Variants in SLC25A29 observed in about 807,000 individuals in gnomAD.
SLC25A29 encodes mitochondrial basic amino acids transporter.
A neutral mutation model predicts 10.0 loss-of-function variants in SLC25A29; 13 were observed. The observed-to-expected ratio is 1.30, with a 90% CI of 0.85 to 2.07. The LOEUF (loss-of-function observed/expected upper bound fraction) is 2.07, where lower values mean the gene tolerates loss of function less well. Ranked by LOEUF, SLC25A29 falls within the 30% of genes most tolerant of loss-of-function variation. The pLI, the probability that SLC25A29 is intolerant of heterozygous loss-of-function variation, is 0.00. For missense variants in SLC25A29, 475 were observed against 447.6 expected, an observed-to-expected ratio of 1.06 and a Z score of -0.55; for synonymous variants, 244 against 221.1, an observed-to-expected ratio of 1.10 and a Z score of -0.92.
chr14:100,292,669 TGA>T lies in SLC25A29; in HGVS notation c.524_525del (p.Leu175HisfsTer147). On this transcript the variant is annotated frameshift_variant, in exon 4 of 4. Transcript: ENST00000359232. LOFTEE classifies it low-confidence loss of function (END_TRUNC). ...CCCGGCTCGCAGCCCAGCGCCCGCG[TGA>T]GAGCGTCATAGGTGAGGAAGTAGAC... Reference protein sequence around the residue: ...FGVYFLTYDALTRALGCEPGD... With the variant: ...FGVYFLTYDAXTRALGCEPGD... 1 of 1,600,856 alleles carries T rather than the reference TGA, an allele frequency of 6.2e-7. No homozygotes were observed. The highest frequency in any genetic ancestry group is 8.5e-7 in the Non-Finnish European group (1 of 1,175,258).
intron 1 of SLC25A29, among the ~76,000 whole-genome samples, chr14:100,304,607 A>G (rs147300966): frequency 2.0e-5 from 3 of 151,816 alleles, no homozygotes; most frequent in Non-Finnish European, 4.4e-5. Flanking sequence ...CTACAGCACC[A>G]GACAGTGCCA....
chr14:100,299,156 G>A, intron 1 of SLC25A29: 2 of 1,349,868 alleles, frequency 1.5e-6, no homozygotes, highest in South Asian at 1.6e-5. Context: ...GCTCTCCGCG[G>A]CTGACTGGTC....
chr14:100,299,815 T>C (rs1022499471), intron 1 of SLC25A29: 2 of 985,354 alleles, frequency 2.0e-6, no homozygotes, highest in African/African-American at 3.5e-5. Flanking sequence ...CTCCCTTTAC[T>C]GCCAGTAGCG....
rs1397575858 is a variant in SLC25A29 at position 100,292,032 on chromosome 14, C to T, written c.*251G>A. 2 of 517,524 alleles carry T rather than the reference C, an allele frequency of 3.9e-6. No homozygotes were observed. The highest frequency in any genetic ancestry group is 6.8e-6 in the Non-Finnish European group (2 of 292,856). The allele number at this position is 517,524 out of a possible 1,614,324, so 32.1% of individuals were successfully genotyped here. On this transcript the variant is annotated 3_prime_UTR_variant, in exon 4 of 4. Coordinates refer to ENST00000359232, the MANE Select transcript of SLC25A29 (RefSeq NM_001039355.3). Reference sequence around the variant, plus strand: ...CCTCAGCCAGGCCAGGTGCTGGCTGCTGCTGGGAATAATCTCTGAGCTTCG... The same window carrying T: ...CCTCAGCCAGGCCAGGTGCTGGCTGTTGCTGGGAATAATCTCTGAGCTTCG...
chr14:100,283,924 T>C, the SLC25A29 span, among the ~76,000 whole-genome samples: 1 of 150,842 alleles, frequency 6.6e-6, no homozygotes, highest in African/African-American at 2.4e-5. Flanking sequence ...TGCTATCACC[T>C]AGGCCGGAGT....
At chr14:100,305,320 G>A (rs1025051618) in intron 1 of SLC25A29, 1 of 152,174 alleles carries the variant, frequency 6.6e-6, no homozygotes, top group Admixed American at 6.6e-5. Context: ...GGTGAACAAG[G>A]GCAGGTGCTG....
rs1457813492 is a variant in SLC25A29 at position 100,298,861 on chromosome 14, T to C, written c.59A>G (p.His20Arg). ...AGGVAGVLVGHPFDTVKVRLQ... is the reference protein window; with the variant it reads ...AGGVAGVLVGRPFDTVKVRLQ... ...ACTCACCTTGACCGTGTCAAACGGG[T>C]GTCCCACAAGCACGCCTGCCACACC... is the stretch of plus-strand genomic sequence containing the variant. The change falls in exon 2 of 4, where the codon CAC becomes CGC. Residue 20 changes from histidine (H) to arginine (R), a missense_variant. Physicochemically the swap from His to Arg is conservative, Grantham distance 29 (BLOSUM62 0). Coordinates refer to ENST00000359232, the MANE Select transcript of SLC25A29 (RefSeq NM_001039355.3). 8.1e-6 allele frequency: 13 copies of C among 1,614,148 alleles called. No homozygotes were observed. The South Asian group carries it at 1.4e-4, about 18-fold the overall frequency.
In SLC25A29 at chr14:100,292,882, T is replaced by C; in HGVS notation, c.313A>G (p.Ile105Val). The C allele has an allele frequency of 2.5e-6, 4 of 1,601,980 alleles. No homozygotes were observed. Among genetic ancestry groups the C allele is most frequent in the Non-Finnish European group, 3.4e-6 (4 of 1,176,074 alleles). Reference sequence around the variant, plus strand: ...ATGGGGCAGCAGATGACGCACTGGATGGCGCCCGCCGCCGCACCTGCCAGG... The same window carrying C: ...ATGGGGCAGCAGATGACGCACTGGACGGCGCCCGCCGCCGCACCTGCCAGG... ...QFLAGAAAGA[I>V]QCVICCPMEL... The change falls in exon 4 of 4, where the codon ATC (isoleucine) becomes GTC (valine). Residue 105 changes from isoleucine (I) to valine (V), a missense_variant. By Grantham distance (29) the Ile-to-Val change is conservative. Coordinates refer to ENST00000359232, the MANE Select transcript of SLC25A29 (RefSeq NM_001039355.3).
intron 2 of SLC25A29, chr14:100,294,830 C>G (rs1048553800): frequency 2.0e-5 from 3 of 152,180 alleles, no homozygotes; most frequent in Non-Finnish European, 4.4e-5. Context: ...ATCTCAGTAC[C>G]CCCAGGACCT....
chr14:100,285,500 C>T, the SLC25A29 span, among the ~76,000 whole-genome samples: 2 of 151,736 alleles, frequency 1.3e-5, no homozygotes, highest in African/African-American at 4.8e-5. Flanking sequence ...CGCGGAGCGG[C>T]CCGGACCTCG....
chr14:100,294,862 T>C (rs1367954641), intron 2 of SLC25A29: 1 of 152,178 alleles, frequency 6.6e-6, no homozygotes, highest in Non-Finnish European at 1.5e-5. Context: ...AGCCAATGCT[T>C]CAAGATTGGC....
intron 2 of SLC25A29, chr14:100,295,856 AT>A: frequency 7.8e-7 from 1 of 1,289,642 alleles, no homozygotes; most frequent in Non-Finnish European, 1.0e-6. Flanking sequence ...CTCCCTGATT[AT>A]TGCTGTGTCC....
chr14:100,283,578 C>T, the SLC25A29 span, among the ~76,000 whole-genome samples: 15 of 151,104 alleles, frequency 9.9e-5, no homozygotes, highest in Non-Finnish European at 1.9e-4. Flanking sequence ...CTCTGCCTCC[C>T]GGGTTCAAGC....
At chr14:100,281,012 A>G in the SLC25A29 span, 15 of 135,982 alleles carry the variant, frequency 1.1e-4, no homozygotes, top group African/African-American at 4.1e-4. Context: ...GTGAGCCGAG[A>G]TCGCACCACT....
At chr14:100,278,904 C>G in the SLC25A29 span, 1 of 152,244 alleles carries the variant, frequency 6.6e-6, no homozygotes, top group Non-Finnish European at 1.5e-5. Context: ...AGGACCTTGG[C>G]TTGTCTGACA....
the SLC25A29 span, among the ~76,000 whole-genome samples, chr14:100,284,017 G>C: frequency 6.6e-6 from 1 of 152,042 alleles, no homozygotes; most frequent in Non-Finnish European, 1.5e-5. Context: ...GAGTAGCTAC[G>C]ATTACCGTGA....
At position 100,292,600 on chromosome 14, in the gene SLC25A29, A is replaced by C. The variant is rs1232334144; in HGVS notation, c.595T>G (p.Ser199Ala). ...VPKLLLAGGT[S>A]GIVSWLSTYP... ...GTAGAGAGCCAGGACACGATGCCTG[A>C]CGTACCGCCCGCCAACAGCAGCTTG... Residue 199 changes from serine (S) to alanine (A), a missense_variant, in exon 4 of 4, where the codon TCA becomes GCA. Ser to Ala is a moderately conservative substitution (Grantham distance 99). Transcript: ENST00000359232. 2 of 1,604,670 alleles carry C rather than the reference A, an allele frequency of 1.2e-6. No homozygotes were observed. The highest frequency in any genetic ancestry group is 8.5e-7 in the Non-Finnish European group (1 of 1,176,558).
the SLC25A29 span, chr14:100,281,494 C>T: frequency 6.6e-6 from 1 of 152,200 alleles, no homozygotes. Context: ...AATGTGAGCG[C>T]AGCACTTCAG....
chr14:100,289,084 G>A (rs2139643649), downstream of SLC25A29, among the ~76,000 whole-genome samples: 1 of 152,318 alleles, frequency 6.6e-6, no homozygotes. Context: ...TGAGCCTAGG[G>A]AGCCAAGGAT....
Sources: allele counts gnomAD v4.1 joint callset (sites outside exome capture counted in the v4.1 genomes callset), GRCh38; gene constraint gnomAD v4.1.1; transcripts MANE v1.5; gene names NCBI Gene and HGNC (gene_info 2026-07-23, HGNC 2026-07-21).